Variants in PTPRT observed in about 807,000 individuals in gnomAD.
The protein encoded by PTPRT is receptor-type tyrosine-protein phosphatase T.
Under a neutral mutation model 176.8 loss-of-function variants are expected in PTPRT, and 56 were observed. The ratio of observed to expected loss-of-function variants is 0.32; its 90% CI spans 0.26 to 0.40. The LOEUF (loss-of-function observed/expected upper bound fraction) is 0.40, where lower values mean the gene tolerates loss of function less well. PTPRT is among the 10% of genes least tolerant of loss of function. The pLI, the probability that PTPRT is intolerant of heterozygous loss-of-function variation, is 1.00. For missense variants in PTPRT, 1,540 were observed against 1,908.2 expected (o/e 0.81, Z 3.60); for synonymous variants, 783 against 739.0 (o/e 1.06, Z -0.96).
intron 9 of PTPRT, among the ~76,000 whole-genome samples, chr20:42,378,471 T>C (rs1568826918): frequency 6.6e-6 from 1 of 152,194 alleles, no homozygotes. Flanking sequence ...GTATCTTTTT[T>C]GGTTAATTGT....
At chr20:42,713,733 C>G (rs536313101) in intron 6 of PTPRT, among the ~76,000 whole-genome samples, 1 of 152,230 alleles carries the variant, frequency 6.6e-6, no homozygotes, top group East Asian at 1.9e-4. Flanking sequence ...GGATTTCTCA[C>G]AAATAGTTTA....
chr20:42,291,987 G>C (rs955037510), intron 12 of PTPRT, among the ~76,000 whole-genome samples: 2 of 152,180 alleles, frequency 1.3e-5, no homozygotes, highest in African/African-American at 4.8e-5. Context: ...AGAAGGTGGT[G>C]GTATAGTCGA....
At chr20:42,248,151 G>C (rs1278477220) in intron 14 of PTPRT, among the ~76,000 whole-genome samples, 2 of 152,110 alleles carry the variant, frequency 1.3e-5, no homozygotes, top group African/African-American at 4.8e-5. Context: ...TGTGGGACAG[G>C]ACATAGTACA....
intron 9 of PTPRT, among the ~76,000 whole-genome samples, chr20:42,423,020 C>A (rs6030213): frequency 0.021 from 3,214 of 151,822 alleles, 124 homozygotes; most frequent in African/African-American, 0.072. Context: ...CATAGAGGGA[C>A]ACAACACACA....
intron 11 of PTPRT, among the ~76,000 whole-genome samples, chr20:42,350,176 C>T (rs948476931): frequency 6.7e-6 from 1 of 149,870 alleles, no homozygotes; most frequent in Non-Finnish European, 1.5e-5. Context: ...AGGAAGTTTC[C>T]TTCTAGACCA....
chr20:43,150,567 G>A (rs1600750945), intron 1 of PTPRT, among the ~76,000 whole-genome samples: 1 of 151,404 alleles, frequency 6.6e-6, no homozygotes, highest in Admixed American at 6.6e-5. Context: ...AGTGATTCTC[G>A]TGCTTCAGCC....
At chr20:42,039,498 C>T in the PTPRT span, among the ~76,000 whole-genome samples, 6 of 151,912 alleles carry the variant, frequency 3.9e-5, no homozygotes, top group African/African-American at 7.3e-5. Context: ...CTCCCTGCCC[C>T]CAGCCTCTGG....
chr20:42,200,487 T>C (rs2146681328), intron 15 of PTPRT, among the ~76,000 whole-genome samples: 1 of 152,314 alleles, frequency 6.6e-6, no homozygotes, highest in Middle Eastern at 3.4e-3. Context: ...ACAGCCCCAC[T>C]GTGGGATCCC....
intron 7 of PTPRT, among the ~76,000 whole-genome samples, chr20:42,534,890 C>T (rs2072449025): frequency 6.6e-6 from 1 of 152,120 alleles, no homozygotes; most frequent in Non-Finnish European, 1.5e-5. Context: ...AGCATATCAA[C>T]AATGGTACGT....
At chr20:42,239,758 T>C (rs1216531807) in intron 14 of PTPRT, among the ~76,000 whole-genome samples, 1 of 152,088 alleles carries the variant, frequency 6.6e-6, no homozygotes, top group Non-Finnish European at 1.5e-5. Flanking sequence ...CTGTGCTGCT[T>C]TCAAGGACAG....
chr20:42,630,848 A>T (rs2074389794), intron 7 of PTPRT, among the ~76,000 whole-genome samples: 1 of 152,174 alleles, frequency 6.6e-6, no homozygotes, highest in Non-Finnish European at 1.5e-5. Context: ...ATAAGTATCA[A>T]TAACCTCAGA....
intron 7 of PTPRT, among the ~76,000 whole-genome samples, chr20:42,493,116 C>T (rs1373116697): frequency 6.6e-6 from 1 of 152,124 alleles, no homozygotes; most frequent in Non-Finnish European, 1.5e-5. Context: ...ATACTATGTG[C>T]CAGGGACTTG....
intron 12 of PTPRT, among the ~76,000 whole-genome samples, chr20:42,310,245 G>C (rs571431868): frequency 6.6e-6 from 1 of 152,220 alleles, no homozygotes; most frequent in Middle Eastern, 3.4e-3. Flanking sequence ...TTTTTGAGGA[G>C]AACATGATGG....
intron 11 of PTPRT, among the ~76,000 whole-genome samples, chr20:42,330,114 T>G (rs948196742): frequency 6.6e-6 from 1 of 152,162 alleles, no homozygotes; most frequent in African/African-American, 2.4e-5. Context: ...TCTAAGTACA[T>G]GTTGAAAAGT....
At chr20:42,754,548 G>T (rs1324233180) in intron 6 of PTPRT, among the ~76,000 whole-genome samples, 1 of 152,214 alleles carries the variant, frequency 6.6e-6, no homozygotes, top group Non-Finnish European at 1.5e-5. Flanking sequence ...CTCCCAAACT[G>T]TTGGGATGAC....
chr20:42,673,230 T>G (rs1233058133), intron 7 of PTPRT, among the ~76,000 whole-genome samples: 1 of 152,172 alleles, frequency 6.6e-6, no homozygotes, highest in East Asian at 1.9e-4. Flanking sequence ...TTTCCTCCCA[T>G]CTACATCTCA....
chr20:42,102,497 G>A (rs577285146), intron 25 of PTPRT, among the ~76,000 whole-genome samples, 200 bp from the exon 26 acceptor site: 1 of 152,304 alleles, frequency 6.6e-6, no homozygotes, highest in South Asian at 2.1e-4. Context: ...TGTGTGAGCT[G>A]TGTGACACCT....
intron 9 of PTPRT, among the ~76,000 whole-genome samples, chr20:42,365,131 T>C (rs938512783): frequency 6.6e-6 from 1 of 152,218 alleles, no homozygotes; most frequent in Non-Finnish European, 1.5e-5. Context: ...TTCCAACATG[T>C]ATTCAACACA....
At chr20:42,130,561 C>T (rs1002699206) in intron 18 of PTPRT, among the ~76,000 whole-genome samples, 3 of 152,200 alleles carry the variant, frequency 2.0e-5, no homozygotes, top group Admixed American at 2.0e-4. Flanking sequence ...CTGCAATGCA[C>T]ACTAGAGTGG....
Sources: allele counts gnomAD v4.1 joint callset (sites outside exome capture counted in the v4.1 genomes callset), GRCh38; gene constraint gnomAD v4.1.1; transcripts MANE v1.5; gene names NCBI Gene and HGNC (gene_info 2026-07-23, HGNC 2026-07-21).